The following MAOB variants were observed in gnomAD, a reference collection of about 807,000 sequenced individuals.
MAOB encodes amine oxidase [flavin-containing] B.
A neutral mutation model predicts 41.9 loss-of-function variants in MAOB; 15 were observed. That is an observed-to-expected ratio of 0.36 (90% CI 0.24 to 0.55). MAOB has a LOEUF of 0.55. Ranked by LOEUF, MAOB falls within the 20% of genes least tolerant of loss-of-function variation. The pLI, the probability that MAOB is intolerant of heterozygous loss-of-function variation, is 0.86. For missense variants in MAOB, 345 were observed against 398.7 expected (o/e 0.87, Z 1.15); for synonymous variants, 167 against 144.2 (o/e 1.16, Z -1.13).
intron 8 of MAOB, among the ~76,000 whole-genome samples, chrX:43,786,306 A>G (rs1389518691): frequency 1.8e-5 from 2 of 112,058 alleles, no homozygotes; most frequent in Non-Finnish European, 3.8e-5. Context: ...AGAAAACCCA[A>G]CAAGAAGATT....
intron 8 of MAOB, among the ~76,000 whole-genome samples, chrX:43,786,682 G>A (rs897033274): frequency 3.6e-5 from 4 of 111,941 alleles, no homozygotes; most frequent in African/African-American, 9.7e-5. Flanking sequence ...ATCAAAGAAC[G>A]TGTGCATACT....
At chrX:43,855,355 C>A (rs1395533590) in intron 1 of MAOB, among the ~76,000 whole-genome samples, 1 of 111,343 alleles carries the variant, frequency 9.0e-6, no homozygotes, top group Non-Finnish European at 1.9e-5. Flanking sequence ...TAGACTTTGA[C>A]CCACATAGGA....
chrX:43,837,112 C>G (rs1386457709), intron 3 of MAOB, among the ~76,000 whole-genome samples: 1 of 112,075 alleles, frequency 8.9e-6, no homozygotes, highest in East Asian at 2.8e-4. Flanking sequence ...TTTCCTTTGT[C>G]TGGAGAAATT....
chrX:43,797,044 C>A, intron 6 of MAOB, 81 bp downstream of exon 6: 1 of 988,370 alleles, frequency 1.0e-6, no homozygotes. Flanking sequence ...CCCACTTCAG[C>A]AGTTCATGAT....
At chrX:43,859,644 T>C (rs1224116990) in intron 1 of MAOB, among the ~76,000 whole-genome samples, 5 of 111,697 alleles carry the variant, frequency 4.5e-5, no homozygotes, top group African/African-American at 1.6e-4. Context: ...GTTATTTCTT[T>C]AAGGAAGCCA....
At chrX:43,858,272 C>T (rs1238774894) in intron 1 of MAOB, among the ~76,000 whole-genome samples, 2 of 111,347 alleles carry the variant, frequency 1.8e-5, no homozygotes, top group African/African-American at 6.5e-5. Flanking sequence ...CACTTGGGCC[C>T]AGTCATTGGG....
At chrX:43,810,395 AAC>A (rs1276611550) in intron 3 of MAOB, among the ~76,000 whole-genome samples, 3 of 110,595 alleles carry the variant, frequency 2.7e-5, no homozygotes, top group East Asian at 5.6e-4. Context: ...TGTTTTAGAA[AAC>A]AGTTTTTAAT....
At chrX:43,784,163 G>A (rs767851755) in intron 8 of MAOB, among the ~76,000 whole-genome samples, 1 of 112,060 alleles carries the variant, frequency 8.9e-6, no homozygotes, top group Non-Finnish European at 1.9e-5. Flanking sequence ...CACTCATGAG[G>A]ATTGGAATCA....
chrX:43,781,388 T>C (rs1374577618), intron 9 of MAOB, 60 bp downstream of exon 9: 1 of 648,124 alleles, frequency 1.5e-6, no homozygotes, highest in Non-Finnish European at 2.2e-6. Context: ...CATTTGTTAA[T>C]AGTATGTGAT....
intron 11 of MAOB, among the ~76,000 whole-genome samples, chrX:43,775,749 C>G (rs978453617): frequency 1.6e-4 from 18 of 111,741 alleles, no homozygotes; most frequent in African/African-American, 4.9e-4. Context: ...TTGTGGCAGG[C>G]AAGCACTTCT....
intron 12 of MAOB, among the ~76,000 whole-genome samples, chrX:43,774,457 A>G (rs914375969): frequency 4.5e-5 from 5 of 111,768 alleles, no homozygotes; most frequent in Admixed American, 1.9e-4. Context: ...TCTAAGGATT[A>G]GGATCAAAAA....
rs2035206214 is a variant in MAOB at position 43,846,655 on chromosome X, T to C, written c.47-2891A>G. Among the ~76,000 whole-genome samples the C allele has an allele frequency of 2.7e-5, 3 of 111,455 alleles. No homozygotes were observed. In the South Asian group the frequency reaches 1.1e-3, roughly 42 times the overall value. On this transcript the variant is annotated intron_variant, in intron 1 of 14. Transcript: ENST00000378069. ...GTACATAGGAAACTGAGTTGGAGTC[T>C]GGTCAAGAGGTGATTAAGATTGTCT...
chrX:43,803,244 T>C (rs1353474396), intron 4 of MAOB, 56 bp downstream of exon 4: 5 of 1,034,085 alleles, frequency 4.8e-6, no homozygotes, highest in East Asian at 3.4e-5. Context: ...CTTTCTTTCT[T>C]TGAAGGATGA....
intron 5 of MAOB, among the ~76,000 whole-genome samples, chrX:43,800,854 GT>G (rs992125681): frequency 9.0e-6 from 1 of 111,390 alleles, no homozygotes; most frequent in Admixed American, 9.5e-5. Context: ...ATAAATAGTT[GT>G]TTTTAGAAAT....
intron 1 of MAOB, among the ~76,000 whole-genome samples, chrX:43,872,310 G>C (rs894996053): frequency 8.9e-6 from 1 of 111,911 alleles, no homozygotes; most frequent in East Asian, 2.8e-4. Flanking sequence ...TTAATTTCTA[G>C]TGCCTACAAC....
rs188000717 is a variant in MAOB, at chrX:43,836,957, A to G, written c.279+1911T>C. On this transcript the variant is annotated intron_variant, in intron 3 of 14. Transcript: ENST00000378069. ...CTGTGAAATATCATTTAAGTGTAAC[A>G]TCATTCCTGTAATTGATGACTCAGC... is the stretch of plus-strand genomic sequence containing the variant. 4.4e-5 allele frequency among the ~76,000 whole-genome samples: 5 copies of G among 112,486 alleles called. No homozygotes were observed. In the East Asian group the frequency reaches 1.4e-3, roughly 32 times the overall value.
intron 1 of MAOB, among the ~76,000 whole-genome samples, chrX:43,868,098 C>T (rs1264347984): frequency 1.8e-5 from 2 of 111,901 alleles, no homozygotes; most frequent in Non-Finnish European, 3.8e-5. Context: ...AACCTTTAAA[C>T]CTACAGACTC....
intron 3 of MAOB, among the ~76,000 whole-genome samples, chrX:43,835,060 G>T (rs1368320136): frequency 1.8e-5 from 2 of 111,886 alleles, no homozygotes; most frequent in South Asian, 7.4e-4. Context: ...AATTTTATTT[G>T]CCTACATTGT....
intron 12 of MAOB, among the ~76,000 whole-genome samples, 199 bp from the exon 13 acceptor site, chrX:43,769,617 G>T (rs1385790864): frequency 2.7e-5 from 3 of 111,738 alleles, no homozygotes; most frequent in African/African-American, 9.8e-5. Flanking sequence ...AAAAGCCAAA[G>T]TTCACTCCTG....
Sources: gnomAD v4.1 joint callset for allele counts (sites outside exome capture counted in the v4.1 genomes callset) on GRCh38, gnomAD v4.1.1 for gene constraint, MANE v1.5 for transcripts, NCBI Gene and HGNC (gene_info 2026-07-23, HGNC 2026-07-21) for gene names.